SGSM1: variants seen among roughly 807,000 people sequenced by gnomAD.
The protein encoded by SGSM1 is small G protein signaling modulator 1, also known as RUN and TBC1 domain containing 2.
In SGSM1, 73 loss-of-function variants were observed where a neutral mutation model predicts 133.8. The observed-to-expected ratio is 0.55, with a 90% confidence interval of 0.45 to 0.66. The LOEUF is 0.66. SGSM1 is among the 30% of genes least tolerant of loss of function. SGSM1 has a pLI of 0.00. For missense variants in SGSM1, 1,213 were observed against 1,448.1 expected (o/e 0.84, Z 2.64); for synonymous variants, 563 against 573.0 (o/e 0.98, Z 0.25).
intron 9 of SGSM1, among the ~76,000 whole-genome samples, chr22:24,860,913 AAAAAAAAAAATATATAT>A (rs1398554260): frequency 9.0e-6 from 1 of 110,808 alleles, no homozygotes; most frequent in African/African-American, 4.2e-5. Context: ...AAAAAAAAAA[AAAAAAAAAAATATATAT>A]ATATATATAT....
At chr22:24,855,200 G>A (rs1306852127) in intron 6 of SGSM1, 85 bp from the exon 7 acceptor site, 3 of 1,552,792 alleles carry the variant, frequency 1.9e-6, no homozygotes, top group African/African-American at 1.4e-5. Flanking sequence ...GGAGGGGAGG[G>A]TAGTGAGATG....
chr22:24,890,978 G>C (rs916259435), intron 16 of SGSM1, among the ~76,000 whole-genome samples: 1 of 152,132 alleles, frequency 6.6e-6, no homozygotes, highest in Non-Finnish European at 1.5e-5. Flanking sequence ...TGCCATAAAC[G>C]AGAAGCCAGT....
At chr22:24,872,085 T>A (rs1931793316) in intron 12 of SGSM1, among the ~76,000 whole-genome samples, 1 of 152,238 alleles carries the variant, frequency 6.6e-6, no homozygotes, top group Non-Finnish European at 1.5e-5. Context: ...TGAATCGTTG[T>A]GACAGAGGTC....
intron 20 of SGSM1, 97 bp from the exon 21 acceptor site, chr22:24,905,008 G>C: frequency 1.0e-6 from 1 of 954,530 alleles, no homozygotes; most frequent in East Asian, 2.4e-5. Flanking sequence ...AGGGGTCCAG[G>C]TGAGGGATTG....
At chr22:24,889,030 C>T (rs139102668) in intron 16 of SGSM1, among the ~76,000 whole-genome samples, 2,150 of 136,802 alleles carry the variant, frequency 0.016, 58 homozygotes, top group African/African-American at 0.054. Context: ...GGTGCAATCT[C>T]GGCTTACTAC....
intron 14 of SGSM1, 37 bp from the exon 15 acceptor site, chr22:24,884,016 T>TCA (rs1159617376): frequency 1.3e-6 from 2 of 1,558,062 alleles, no homozygotes; most frequent in Non-Finnish European, 1.7e-6. Flanking sequence ...GGGCTTCAGG[T>TCA]GGTGGATGAT....
At chr22:24,875,581 A>G (rs1421938627) in intron 12 of SGSM1, among the ~76,000 whole-genome samples, 10 of 151,754 alleles carry the variant, frequency 6.6e-5, no homozygotes, top group Non-Finnish European at 1.3e-4. Context: ...CGGAGCTTGC[A>G]GTGAGCCAAG....
rs1252935900 is a variant in SGSM1, at chr22:24,846,033, CTT to C, written c.139+1063_139+1064del. Among the ~76,000 whole-genome samples, 7 of 121,036 alleles carry C rather than the reference CTT, an allele frequency of 5.8e-5. 1 individual carries two copies. The highest frequency in any genetic ancestry group is 2.6e-4 in the Admixed American group (3 of 11,512). 79.4% of individuals were successfully genotyped at this position (121,036 alleles called of 152,430 possible). ...TCTTCATTTCTTTCTCTCTTTCTCT[CTT>C]TCTTTCTTTTTTTTTTTTTTTGAGA... On this transcript the variant is annotated intron_variant, in intron 3 of 24. Transcript: ENST00000400358.
intron 12 of SGSM1, among the ~76,000 whole-genome samples, chr22:24,872,874 G>C (rs999572540): frequency 1.3e-5 from 2 of 151,862 alleles, no homozygotes; most frequent in Non-Finnish European, 2.9e-5. Flanking sequence ...AGCCGAGATT[G>C]TGCCATTGCG....
At chr22:24,905,389 G>T (rs1933338601) in intron 21 of SGSM1, among the ~76,000 whole-genome samples, 1 of 152,130 alleles carries the variant, frequency 6.6e-6, no homozygotes, top group Admixed American at 6.6e-5. Context: ...ACCCAGACAG[G>T]CCTTTGCTAA....
intron 15 of SGSM1, among the ~76,000 whole-genome samples, chr22:24,885,531 C>T (rs1403796057): frequency 2.6e-5 from 4 of 151,438 alleles, no homozygotes; most frequent in South Asian, 2.1e-4. Flanking sequence ...CTCCGCTTCC[C>T]GGGTTCAAGC....
chr22:24,899,043 A>C (rs1601970829), intron 19 of SGSM1, among the ~76,000 whole-genome samples: 1 of 151,204 alleles, frequency 6.6e-6, no homozygotes, highest in Non-Finnish European at 1.5e-5. Context: ...AAAAAAAAAA[A>C]AAAACGTGTA....
At chr22:24,851,454 G>A (rs1400950023) in intron 5 of SGSM1, among the ~76,000 whole-genome samples, 1 of 69,970 alleles carries the variant, frequency 1.4e-5, no homozygotes, top group Admixed American at 1.3e-4. Flanking sequence ...TGGGGGGAGA[G>A]AGAGAGAGAG....
chr22:24,829,684 G>A (rs931923051), intron 2 of SGSM1, among the ~76,000 whole-genome samples: 3 of 151,978 alleles, frequency 2.0e-5, no homozygotes, highest in African/African-American at 4.8e-5. Context: ...GACAGATTAC[G>A]TGGGGAAAAA....
intron 24 of SGSM1, among the ~76,000 whole-genome samples, chr22:24,922,518 C>T (rs905724853): frequency 1.0e-4 from 15 of 149,052 alleles, no homozygotes; most frequent in African/African-American, 3.7e-4. Context: ...CTCTGTCACC[C>T]AGGCTGGAGT....
At chr22:24,854,327 A>T (rs187195786) in intron 5 of SGSM1, among the ~76,000 whole-genome samples, 32 of 152,336 alleles carry the variant, frequency 2.1e-4, no homozygotes, top group African/African-American at 7.5e-4. Context: ...GGCAGACATC[A>T]TCTGAGCCTC....
In SGSM1 at chr22:24,898,155, G is replaced by A. The variant is rs748115980; in HGVS notation, c.2206G>A (p.Asp736Asn). 1.9e-6 allele frequency: 3 copies of A among 1,614,032 alleles called. No individual in the cohort carries two copies. Among genetic ancestry groups the A allele is most frequent in the South Asian group, 2.2e-5 (2 of 91,078 alleles). ...CTCAGAGCCCAGTCTGAGCACAGAA[G>A]ACAGTGTCTTGGACGCCCAGCGGAA... is the stretch of plus-strand genomic sequence containing the variant. ...EHSEPSLSTE[D>N]SVLDAQRNTP... Residue 736 changes from aspartate to asparagine, a missense_variant, in exon 19 of 25, where the codon GAC (aspartate) becomes AAC (asparagine). Coordinates refer to ENST00000400358, the MANE Select transcript of SGSM1 (RefSeq NM_001098497.3).
At chr22:24,855,813 C>A in intron 8 of SGSM1, 133 bp downstream of exon 8, 1 of 1,296,422 alleles carries the variant, frequency 7.7e-7, no homozygotes, top group Non-Finnish European at 1.1e-6. Context: ...CATCCACCCG[C>A]CCAACACTCA....
chr22:24,884,417 C>T (rs1023236810), intron 15 of SGSM1, among the ~76,000 whole-genome samples: 6 of 152,178 alleles, frequency 3.9e-5, no homozygotes, highest in Non-Finnish European at 7.3e-5. Flanking sequence ...AACATATGCT[C>T]ACCTGGAAGG....
Sources: allele counts gnomAD v4.1 joint callset (sites outside exome capture counted in the v4.1 genomes callset), GRCh38; gene constraint gnomAD v4.1.1; transcripts MANE v1.5; gene names NCBI Gene and HGNC (gene_info 2026-07-23, HGNC 2026-07-21).